Variants in EPB41L2 observed in about 807,000 individuals in gnomAD.
EPB41L2 encodes erythrocyte membrane protein band 4.1 like 2.
Under a neutral mutation model 113.0 loss-of-function variants are expected in EPB41L2, and 43 were observed. The observed-to-expected ratio is 0.38, with a 90% CI of 0.30 to 0.49. EPB41L2 has a LOEUF of 0.49. EPB41L2 is among the 20% of genes least tolerant of loss of function. EPB41L2 has a pLI of 0.95. For synonymous variants in EPB41L2, 442 were observed against 436.7 expected (o/e 1.01, Z -0.15); for missense variants, 1,147 against 1,223.4 (o/e 0.94, Z 0.93).
chr6:130,867,767 CATAT>C, intron 15 of EPB41L2, 186 bp from the exon 16 acceptor site: 1 of 608,856 alleles, frequency 1.6e-6, no homozygotes, highest in South Asian at 2.0e-5. Flanking sequence ...TCAAATATAT[CATAT>C]ATACACATAC....
chr6:130,942,288 GT>G (rs1347044023), intron 3 of EPB41L2, among the ~76,000 whole-genome samples: 2 of 152,156 alleles, frequency 1.3e-5, no homozygotes, highest in Non-Finnish European at 2.9e-5. Flanking sequence ...TCAAATCCCT[GT>G]CCCCCATATC....
At chr6:130,942,636 A>T (rs1015561037) in intron 3 of EPB41L2, among the ~76,000 whole-genome samples, 7 of 152,140 alleles carry the variant, frequency 4.6e-5, no homozygotes, top group Admixed American at 2.0e-4. Context: ...AAGTTCTGGG[A>T]TATGTGTGCA....
At chr6:131,053,691 A>G (rs1174110738) in intron 1 of EPB41L2, among the ~76,000 whole-genome samples, 1 of 152,202 alleles carries the variant, frequency 6.6e-6, no homozygotes, top group Non-Finnish European at 1.5e-5. Flanking sequence ...TGCCTTCAGC[A>G]TTCCTTCTGG....
At chr6:130,854,290 C>T (rs999706665) in intron 19 of EPB41L2, among the ~76,000 whole-genome samples, 5 of 139,560 alleles carry the variant, frequency 3.6e-5, no homozygotes, top group South Asian at 5.0e-4. Context: ...ATCCTCAATA[C>T]CCAGCCCTAC....
intron 14 of EPB41L2, chr6:130,872,576 A>G (rs1057288104): frequency 8.6e-6 from 11 of 1,276,170 alleles, no homozygotes; most frequent in Middle Eastern, 5.2e-4. Flanking sequence ...AGAATTAGCA[A>G]TAAGTCAGAA....
At chr6:130,867,758 C>T in intron 15 of EPB41L2, 177 bp from the exon 16 acceptor site, 1 of 696,758 alleles carries the variant, frequency 1.4e-6, no homozygotes, top group East Asian at 3.0e-5. Context: ...AATTTTCCTT[C>T]AAATATATCA....
chr6:131,008,978 G>A (rs368880690), intron 1 of EPB41L2, among the ~76,000 whole-genome samples: 38 of 152,280 alleles, frequency 2.5e-4, no homozygotes, highest in African/African-American at 9.1e-4. Context: ...TGAAATTAAT[G>A]CTGGAATGAG....
In EPB41L2 at chr6:130,867,597, A is replaced by C. The variant is rs1230479703; in HGVS notation, c.2608-16T>G. On this transcript the variant is annotated splice_polypyrimidine_tract_variant and intron_variant, in intron 15 of 19. Transcript: ENST00000337057. Reference sequence around the variant, plus strand: ...CCACTGGTGGCTGAGGTGGAAAAGGAAGGGAAAAATAAATTCTAGAGGTAA... The same window carrying C: ...CCACTGGTGGCTGAGGTGGAAAAGGCAGGGAAAAATAAATTCTAGAGGTAA... 1 of 1,613,574 alleles carries C rather than the reference A, an allele frequency of 6.2e-7. No individual in the cohort carries two copies. Among genetic ancestry groups the C allele is most frequent in the East Asian group, 2.2e-5 (1 of 44,844 alleles).
chr6:130,910,524 A>C (rs1799040778), intron 4 of EPB41L2, among the ~76,000 whole-genome samples: 1 of 152,240 alleles, frequency 6.6e-6, no homozygotes, highest in African/African-American at 2.4e-5. Context: ...AAAATTGACA[A>C]ATGAGATCTA....
intron 3 of EPB41L2, among the ~76,000 whole-genome samples, chr6:130,954,826 A>G (rs1227819450): frequency 1.3e-5 from 2 of 152,240 alleles, no homozygotes; most frequent in African/African-American, 4.8e-5. Flanking sequence ...CAAGAAAAAC[A>G]TCTTCTAGCC....
intron 1 of EPB41L2, among the ~76,000 whole-genome samples, chr6:130,977,189 A>G (rs1470394941): frequency 1.3e-5 from 2 of 152,254 alleles, no homozygotes; most frequent in Admixed American, 6.5e-5. Flanking sequence ...CATACAAAGC[A>G]GAAACAACAA....
chr6:130,987,484 G>A (rs1179812306), intron 1 of EPB41L2, among the ~76,000 whole-genome samples: 1 of 152,098 alleles, frequency 6.6e-6, no homozygotes, highest in Non-Finnish European at 1.5e-5. Flanking sequence ...CTTGATTGCT[G>A]GAGTTCAAGA....
chr6:130,928,135 T>C (rs973231332), intron 3 of EPB41L2, among the ~76,000 whole-genome samples: 2 of 152,000 alleles, frequency 1.3e-5, no homozygotes, highest in African/African-American at 4.8e-5. Context: ...AATAAAACAA[T>C]GTGTCACATA....
At chr6:130,863,262 G>A (rs934644396) in intron 18 of EPB41L2, among the ~76,000 whole-genome samples, 1 of 152,176 alleles carries the variant, frequency 6.6e-6, no homozygotes, top group African/African-American at 2.4e-5. Context: ...CCTAAAAGTA[G>A]GCATAGGTCA....
chr6:130,884,057 G>A lies in EPB41L2; in HGVS notation c.1833+1039C>T, dbSNP rs148391732. On this transcript the variant is annotated intron_variant, in intron 12 of 19. Transcript: ENST00000337057. Reference sequence around the variant, plus strand: ...AAAATTTAGAAAACACTATACGGCCGGGCTCAGTGGCTCATACCTGTAATC... The same window carrying A: ...AAAATTTAGAAAACACTATACGGCCAGGCTCAGTGGCTCATACCTGTAATC... 8.4e-3 allele frequency among the ~76,000 whole-genome samples: 1,273 copies of A among 152,200 alleles called. 13 individuals are homozygous for A. The highest frequency in any genetic ancestry group is 0.012 in the Non-Finnish European group (795 of 68,002).
rs531534351 is a variant in EPB41L2 at position 130,940,880 on chromosome 6, C to T, written c.706-14171G>A. On this transcript the variant is annotated intron_variant, in intron 3 of 19. Coordinates refer to ENST00000337057, the MANE Select transcript of EPB41L2 (RefSeq NM_001431.4). ...TGTGCTTTTGTATTACTTTTCAGAA[C>T]TATAAACAATACTTTATCAATTTGA... Among the ~76,000 whole-genome samples, 8 of 152,220 alleles carry T rather than the reference C, an allele frequency of 5.3e-5. No individual in the cohort carries two copies. The South Asian group carries it at 1.5e-3, about 28-fold the overall frequency.
intron 1 of EPB41L2, among the ~76,000 whole-genome samples, chr6:131,034,918 T>G (rs1327783105): frequency 6.6e-6 from 1 of 152,144 alleles, no homozygotes; most frequent in Non-Finnish European, 1.5e-5. Flanking sequence ...CTTAAACAGC[T>G]TAAGGGTTTC....
At chr6:130,976,121 C>T (rs1311040091) in intron 1 of EPB41L2, among the ~76,000 whole-genome samples, 1 of 152,226 alleles carries the variant, frequency 6.6e-6, no homozygotes, top group Non-Finnish European at 1.5e-5. Context: ...TGCAAGATTA[C>T]TTCCTGAACA....
chr6:131,003,324 G>A (rs1784768756), intron 1 of EPB41L2, among the ~76,000 whole-genome samples: 1 of 152,166 alleles, frequency 6.6e-6, no homozygotes, highest in South Asian at 2.1e-4. Context: ...CAGTGAAGGT[G>A]GAAATGAGGC....
Sources: gnomAD v4.1 joint callset for allele counts (sites outside exome capture counted in the v4.1 genomes callset) on GRCh38, gnomAD v4.1.1 for gene constraint, MANE v1.5 for transcripts, NCBI Gene and HGNC (gene_info 2026-07-23, HGNC 2026-07-21) for gene names.